The following SLC39A5 variants were observed in gnomAD, a reference collection of about 807,000 sequenced individuals.
The protein encoded by SLC39A5 is solute carrier family 39 member 5.
SLC39A5 carries 42 observed loss-of-function variants against 46.9 expected under a neutral mutation model. That is an observed-to-expected ratio of 0.90 (90% CI 0.70 to 1.16). SLC39A5 has a LOEUF of 1.16. Ranked by LOEUF, SLC39A5 falls within the 50% of genes most tolerant of loss-of-function variation. SLC39A5 has a pLI of 0.00. For synonymous variants in SLC39A5, 311 were observed against 323.1 expected, an observed-to-expected ratio of 0.96 and a Z score of 0.40; for missense variants, 677 against 686.8, an observed-to-expected ratio of 0.99 and a Z score of 0.16.
chr12:56,234,895 T>TGCTCTGCTGTGCCCA lies in SLC39A5; in HGVS notation c.546_560dup (p.Cys185_Leu189dup). ...CTGCTCCTCTGACCCCTCGTCAGTTTGCTCTGCTGTGCCCAGCCCTGCTTT... is the reference window on the plus strand; with the variant it reads ...CTGCTCCTCTGACCCCTCGTCAGTTTGCTCTGCTGTGCCCAGCTCTGCTGTGCCCAGCCCTGCTTT... On this transcript the variant is annotated inframe_insertion, in exon 6 of 13. Coordinates refer to ENST00000454355, the MANE Select transcript of SLC39A5 (RefSeq NM_173596.3). The TGCTCTGCTGTGCCCA allele has an allele frequency of 6.2e-7, 1 of 1,613,948 alleles. No homozygotes were observed. The highest frequency in any genetic ancestry group is 8.5e-7 in the Non-Finnish European group (1 of 1,180,036).
intron 5 of SLC39A5, among the ~76,000 whole-genome samples, chr12:56,233,961 T>A (rs1450578605): frequency 6.6e-6 from 1 of 152,152 alleles, no homozygotes; most frequent in Admixed American, 6.5e-5. Flanking sequence ...GGGAAGATGA[T>A]GACAATGCTC....
chr12:56,231,293 A>G lies in SLC39A5; in HGVS notation c.19A>G (p.Ser7Gly). The change falls in exon 4 of 13, where the codon AGT becomes GGT. Residue 7 changes from serine (S) to glycine (G), a missense_variant. Coordinates refer to ENST00000454355, the MANE Select transcript of SLC39A5 (RefSeq NM_173596.3). The part of the protein sequence containing the change: MMGSPV[S>G]HLLAGFCVWV... Reference sequence around the variant, plus strand: ...CTCACCAATGATGGGGTCCCCAGTGAGTCATCTGCTGGCCGGCTTCTGTGT... The same window carrying G: ...CTCACCAATGATGGGGTCCCCAGTGGGTCATCTGCTGGCCGGCTTCTGTGT... 2 of 1,608,944 alleles carry G rather than the reference A, an allele frequency of 1.2e-6. No individual in the cohort carries two copies. Among genetic ancestry groups the G allele is most frequent in the South Asian group, 2.2e-5 (2 of 90,632 alleles).
chr12:56,237,315 T>C lies in SLC39A5; in HGVS notation c.1454T>C (p.Phe485Ser). The stretch of plus-strand genomic sequence containing the variant: ...GTGTTTGGGGTCACTGCTGGGGTCT[T>C]CCTCTATGTGGCCCTTGTGGACATG... The part of the protein sequence containing the change: ...PWVFGVTAGV[F>S]LYVALVDMLP... Residue 485 changes from phenylalanine to serine, a missense_variant, in exon 12 of 13, where the codon TTC becomes TCC. By Grantham distance (155) the Phe-to-Ser change is radical (BLOSUM62 -2). Coordinates refer to ENST00000454355, the MANE Select transcript of SLC39A5 (RefSeq NM_173596.3). The C allele has an allele frequency of 6.2e-7, 1 of 1,605,444 alleles. No individual in the cohort carries two copies. Among genetic ancestry groups the C allele is most frequent in the East Asian group, 2.2e-5 (1 of 44,798 alleles).
intron 5 of SLC39A5, among the ~76,000 whole-genome samples, chr12:56,233,746 C>T (rs779683491): frequency 2.0e-5 from 3 of 152,168 alleles, no homozygotes; most frequent in Non-Finnish European, 2.9e-5. Context: ...ACAAAGCTGC[C>T]TAACCCTGAT....
At chr12:56,231,620 C>T in intron 4 of SLC39A5, 59 bp downstream of exon 4, 4 of 1,472,796 alleles carry the variant, frequency 2.7e-6, no homozygotes, top group South Asian at 2.9e-5. Flanking sequence ...TCAGTGCTTG[C>T]CCCCAGTTGC....
At chr12:56,231,034 A>G (rs1870150563) in intron 3 of SLC39A5, 161 bp downstream of exon 3, 2 of 499,640 alleles carry the variant, frequency 4.0e-6, no homozygotes, top group Non-Finnish European at 7.0e-6. Flanking sequence ...TGCTCCAGGA[A>G]CCAGCAAACA....
rs1870554128 is a variant in SLC39A5, at chr12:56,234,689, G to A, written c.472-135G>A. ...TTGGCCAGGTTGGTCTCAAACTCCT[G>A]ACCTCAGATGATACACCCGCCTGGG... On this transcript the variant is annotated intron_variant, in intron 5 of 12. Coordinates refer to ENST00000454355, the MANE Select transcript of SLC39A5 (RefSeq NM_173596.3). The A allele has an allele frequency of 6.1e-5, 56 of 918,212 alleles. 1 individual carries two copies. In the South Asian group the frequency reaches 8.9e-4, roughly 15 times the overall value. 56.9% of individuals were successfully genotyped at this position (918,212 alleles called of 1,614,324 possible).
At chr12:56,231,136 C>A in intron 3 of SLC39A5, 68 bp from the exon 4 acceptor site, 1 of 936,936 alleles carries the variant, frequency 1.1e-6, no homozygotes. Flanking sequence ...GTGCAAGGAG[C>A]TCTGGCTCCC....
At chr12:56,236,331 C>G in intron 8 of SLC39A5, 65 bp from the exon 9 acceptor site, 1 of 1,471,326 alleles carries the variant, frequency 6.8e-7, no homozygotes, top group Non-Finnish European at 9.5e-7. Flanking sequence ...AGCTTGTGGC[C>G]TGGCTTCCCC....
intron 10 of SLC39A5, 71 bp from the exon 11 acceptor site, chr12:56,236,860 C>T (rs1235885461): frequency 3.3e-5 from 53 of 1,599,510 alleles, no homozygotes; most frequent in Admixed American, 3.4e-5. Context: ...GGGAGGACCA[C>T]GGAACACAGG....
chr12:56,234,652 G>C (rs570611212), intron 5 of SLC39A5, among the ~76,000 whole-genome samples, 172 bp from the exon 6 acceptor site: 2 of 152,180 alleles, frequency 1.3e-5, no homozygotes, highest in South Asian at 4.2e-4. Flanking sequence ...GTAGAGACAG[G>C]GTTTCACTAT....
chr12:56,236,969 A>C lies in SLC39A5; in HGVS notation c.1246A>C (p.Thr416Pro), dbSNP rs759863433. 6.2e-7 allele frequency: 1 copy of C among 1,613,912 alleles called. No individual in the cohort carries two copies. The highest frequency in any genetic ancestry group is 1.3e-5 in the African/African-American group (1 of 74,908). ...TGATGGCTTCTCCAGCGGCCTCAGT[A>C]CCACCTTAGCGGTCTTCTGCCATGA... ...FSDGFSSGLS[T>P]TLAVFCHELP... The change falls in exon 11 of 13, where the codon ACC (threonine) becomes CCC (proline). Residue 416 changes from threonine (T) to proline (P), a missense_variant. By Grantham distance (38) the Thr-to-Pro change is conservative. Coordinates refer to ENST00000454355, the MANE Select transcript of SLC39A5 (RefSeq NM_173596.3).
chr12:56,234,647 G>A (rs1329400106), intron 5 of SLC39A5, among the ~76,000 whole-genome samples, 177 bp from the exon 6 acceptor site: 1 of 152,114 alleles, frequency 6.6e-6, no homozygotes, highest in Non-Finnish European at 1.5e-5. Flanking sequence ...TTTTAGTAGA[G>A]ACAGGGTTTC....
At position 56,231,461 on chromosome 12, in the gene SLC39A5, C is replaced by T. The variant is rs1252190028; in HGVS notation, c.187C>T (p.His63Tyr). 8.1e-6 allele frequency: 13 copies of T among 1,613,736 alleles called. No individual in the cohort carries two copies. In the Admixed American group the frequency reaches 2.2e-4, roughly 27 times the overall value. ...LTAGGLARLL[H>Y]SLGLGRVQGL... ...TGCAGGGGGCTTGGCGCGGCTTCTCCACAGCCTGGGGCTAGGCCGAGTTCA... is the reference window on the plus strand; with the variant it reads ...TGCAGGGGGCTTGGCGCGGCTTCTCTACAGCCTGGGGCTAGGCCGAGTTCA... Residue 63 changes from histidine to tyrosine, a missense_variant, in exon 4 of 13, where the codon CAC becomes TAC. Transcript: ENST00000454355.
intron 4 of SLC39A5, among the ~76,000 whole-genome samples, 175 bp downstream of exon 4, chr12:56,231,736 T>C (rs1202637098): frequency 6.6e-6 from 1 of 152,096 alleles, no homozygotes; most frequent in Non-Finnish European, 1.5e-5. Context: ...TTCTCTCTCT[T>C]TTCTTGAGAC....
At chr12:56,237,109 C>G in intron 11 of SLC39A5, 41 bp from the exon 12 acceptor site, 1 of 1,612,906 alleles carries the variant, frequency 6.2e-7, no homozygotes, top group South Asian at 1.1e-5. Flanking sequence ...TGAGGGGCAC[C>G]CCAGCTTACT....
At position 56,231,379 on chromosome 12, in the gene SLC39A5, G is replaced by A; in HGVS notation, c.105G>A (p.Glu35=). Residue 35 remains glutamate, a synonymous_variant, in exon 4 of 13, where the codon GAG becomes GAA. Transcript: ENST00000454355. Reference sequence around the variant, plus strand: ...CCAACCTGGGCCCTGCTGAGCAGGAGCAGAACCATTACCTGGCCCAGCTGT... The same window carrying A: ...CCAACCTGGGCCCTGCTGAGCAGGAACAGAACCATTACCTGGCCCAGCTGT... ...SVPNLGPAEQ[E]QNHYLAQLFG... is the part of the protein sequence containing the mutation. 1 of 1,614,084 alleles carries A rather than the reference G, an allele frequency of 6.2e-7. No homozygotes were observed. Among genetic ancestry groups the A allele is most frequent in the Non-Finnish European group, 8.5e-7 (1 of 1,180,024 alleles).
At position 56,231,480 on chromosome 12, in the gene SLC39A5, G is replaced by A. The variant is rs756089446; in HGVS notation, c.206G>A (p.Arg69Gln). Residue 69 changes from arginine (R) to glutamine (Q), a missense_variant, in exon 4 of 13, where the codon CGA (arginine) becomes CAA (glutamine). Transcript: ENST00000454355. ...ARLLHSLGLGRVQGLRLGQHG... is the reference protein window; with the variant it reads ...ARLLHSLGLGQVQGLRLGQHG... ...CTTCTCCACAGCCTGGGGCTAGGCC[G>A]AGTTCAGGGGCTTCGCCTGGGACAG... 73 of 1,612,294 alleles carry A rather than the reference G, an allele frequency of 4.5e-5. No individual in the cohort carries two copies. The highest frequency in any genetic ancestry group is 5.7e-5 in the Non-Finnish European group (67 of 1,179,090).
Position 56,237,627 on chromosome 12 carries a change from C to T in SLC39A5, c.1519C>T (p.Pro507Ser). Residue 507 changes from proline to serine, a missense_variant, in exon 13 of 13, where the codon CCC (proline) becomes TCC (serine). Pro to Ser is a moderately conservative substitution (Grantham distance 74). Transcript: ENST00000454355. The part of the protein sequence containing the change: ...LLRPPEPLPT[P>S]HVLLQGLGLL... ...TCGTCCTCCGGAGCCCCTGCCTACG[C>T]CCCATGTGCTCCTGCAGGGGCTGGG... The T allele has an allele frequency of 6.2e-7, 1 of 1,613,506 alleles. No individual in the cohort carries two copies. Among genetic ancestry groups the T allele is most frequent in the Non-Finnish European group, 8.5e-7 (1 of 1,179,848 alleles).
Sources: allele counts gnomAD v4.1 joint callset (sites outside exome capture counted in the v4.1 genomes callset), GRCh38; gene constraint gnomAD v4.1.1; transcripts MANE v1.5; gene names NCBI Gene and HGNC (gene_info 2026-07-23, HGNC 2026-07-21).